Variants in CLEC16A observed in about 807,000 individuals in gnomAD.
CLEC16A encodes protein CLEC16A.
A neutral mutation model predicts 109.5 loss-of-function variants in CLEC16A; 51 were observed. The ratio of observed to expected loss-of-function variants is 0.47; its 90% CI spans 0.37 to 0.59. CLEC16A has a LOEUF of 0.59. Ranked by LOEUF, CLEC16A falls within the 20% of genes least tolerant of loss-of-function variation. The probability of loss-of-function intolerance (pLI) is 0.00; values close to 1 mark genes in which losing one functional copy is unlikely to be tolerated. For missense variants in CLEC16A, 1,339 were observed against 1,394.0 expected (o/e 0.96, Z 0.63); for synonymous variants, 673 against 564.2 (o/e 1.19, Z -2.73).
intron 11 of CLEC16A, among the ~76,000 whole-genome samples, chr16:11,016,977 C>T (rs970291847): frequency 1.2e-4 from 11 of 95,138 alleles, no homozygotes; most frequent in Non-Finnish European, 1.6e-4. Flanking sequence ...CACATAGGGC[C>T]GGGGCCCATG....
At chr16:11,047,253 A>G (rs759991261) in intron 16 of CLEC16A, 39 bp from the exon 17 acceptor site, 5 of 1,562,278 alleles carry the variant, frequency 3.2e-6, no homozygotes, top group Admixed American at 3.6e-5. Flanking sequence ...GGAAAAAAAT[A>G]TGAATAATCT....
chr16:10,983,422 C>G (rs2043440952), intron 10 of CLEC16A, among the ~76,000 whole-genome samples: 1 of 152,246 alleles, frequency 6.6e-6, no homozygotes, highest in East Asian at 1.9e-4. Context: ...CGAGCAGCTC[C>G]TGTTCTACCC....
chr16:11,021,969 AC>A (rs2046127855), intron 12 of CLEC16A, among the ~76,000 whole-genome samples: 1 of 152,262 alleles, frequency 6.6e-6, no homozygotes, highest in South Asian at 2.1e-4. Context: ...GGTTAAAAAA[AC>A]AGACCAAAAT....
intron 11 of CLEC16A, among the ~76,000 whole-genome samples, chr16:11,018,550 C>G (rs7197066): frequency 0.14 from 20,674 of 151,750 alleles, 1,402 homozygotes; most frequent in African/African-American, 0.15. Context: ...GAGATGGAGA[C>G]CATCCTGGCC....
intron 23 of CLEC16A, among the ~76,000 whole-genome samples, chr16:11,170,659 T>C (rs879820900): frequency 6.6e-6 from 1 of 152,184 alleles, no homozygotes; most frequent in Non-Finnish European, 1.5e-5. Context: ...CTGCATCTTA[T>C]CTTCCCTGGG....
chr16:11,037,273 C>T (rs913607453), intron 13 of CLEC16A, among the ~76,000 whole-genome samples: 26 of 152,194 alleles, frequency 1.7e-4, no homozygotes, highest in Non-Finnish European at 3.8e-4. Context: ...GCCACCCTTT[C>T]CCATTTGGAC....
intron 22 of CLEC16A, among the ~76,000 whole-genome samples, chr16:11,152,547 A>C (rs1329169891): frequency 1.3e-5 from 2 of 152,258 alleles, no homozygotes; most frequent in African/African-American, 2.4e-5. Context: ...CTGTCAGAGC[A>C]GGGCCAGTGC....
intron 12 of CLEC16A, 190 bp from the exon 13 acceptor site, chr16:11,024,631 A>C (rs1032601498): frequency 2.8e-5 from 15 of 536,570 alleles, no homozygotes; most frequent in Admixed American, 3.1e-5. Context: ...TCCCCTCTGG[A>C]TAGCGGCTTC....
chr16:10,950,155 C>G (rs911107972), intron 1 of CLEC16A, among the ~76,000 whole-genome samples: 1 of 152,218 alleles, frequency 6.6e-6, no homozygotes, highest in Non-Finnish European at 1.5e-5. Context: ...GTTAGACCCT[C>G]AGGAAGCTGG....
intron 20 of CLEC16A, 45 bp downstream of exon 20, chr16:11,120,811 A>AAG: frequency 1.1e-6 from 1 of 933,834 alleles, no homozygotes; most frequent in South Asian, 3.2e-5. Flanking sequence ...GTTGGCTACA[A>AAG]ACACACACAC....
intron 19 of CLEC16A, among the ~76,000 whole-genome samples, chr16:11,088,375 G>A (rs2050124833): frequency 6.6e-6 from 1 of 152,226 alleles, no homozygotes; most frequent in Admixed American, 6.5e-5. Context: ...TATCTGAAAT[G>A]TTTCTGCTTC....
At chr16:10,953,715 G>A (rs530361359) in intron 1 of CLEC16A, among the ~76,000 whole-genome samples, 2 of 152,322 alleles carry the variant, frequency 1.3e-5, no homozygotes, top group Admixed American at 6.5e-5. Context: ...GGTGGCTCAC[G>A]CCTGTAATCC....
chr16:10,953,224 C>T (rs930974581), intron 1 of CLEC16A, among the ~76,000 whole-genome samples: 71 of 152,220 alleles, frequency 4.7e-4, no homozygotes, highest in African/African-American at 1.6e-3. Flanking sequence ...ATGAGACCCA[C>T]ATGGGTAGTC....
At chr16:11,074,313 T>A (rs1223361209) in intron 19 of CLEC16A, among the ~76,000 whole-genome samples, 1 of 152,222 alleles carries the variant, frequency 6.6e-6, no homozygotes, top group Non-Finnish European at 1.5e-5. Context: ...TTAAACTTCT[T>A]CCCTGTGTAC....
intron 10 of CLEC16A, among the ~76,000 whole-genome samples, chr16:10,994,131 C>G (rs1050301497): frequency 4.6e-5 from 7 of 152,202 alleles, no homozygotes; most frequent in African/African-American, 1.4e-4. Context: ...GCAGCTGCAA[C>G]ACTTGATAAC....
intron 3 of CLEC16A, among the ~76,000 whole-genome samples, chr16:10,964,300 G>A (rs1050767295): frequency 1.3e-5 from 2 of 152,230 alleles, no homozygotes; most frequent in Non-Finnish European, 1.5e-5. Context: ...CTTGTTACCA[G>A]CGCCTGTTTC....
At chr16:10,956,642 G>A (rs933674066) in intron 1 of CLEC16A, among the ~76,000 whole-genome samples, 3 of 152,140 alleles carry the variant, frequency 2.0e-5, no homozygotes, top group African/African-American at 4.8e-5. Flanking sequence ...TGGTCCCCGC[G>A]CTGCTCAGGA....
intron 19 of CLEC16A, among the ~76,000 whole-genome samples, chr16:11,083,292 A>G (rs1444296450): frequency 1.3e-5 from 2 of 152,104 alleles, no homozygotes; most frequent in Non-Finnish European, 2.9e-5. Flanking sequence ...CTTGCCAAGT[A>G]GCTGGGCCTA....
chr16:11,095,674 TG>T (rs1231981547), intron 19 of CLEC16A, among the ~76,000 whole-genome samples: 2 of 151,898 alleles, frequency 1.3e-5, no homozygotes, highest in African/African-American at 4.8e-5. Flanking sequence ...TAGCTGGGCG[TG>T]GTGGCAGGCT....
Sources: gnomAD v4.1 joint callset for allele counts (sites outside exome capture counted in the v4.1 genomes callset) on GRCh38, gnomAD v4.1.1 for gene constraint, MANE v1.5 for transcripts, NCBI Gene and HGNC (gene_info 2026-07-23, HGNC 2026-07-21) for gene names.